Variants in FRAS1 observed in about 807,000 individuals in gnomAD.
The protein encoded by FRAS1 is extracellular matrix organizing protein FRAS1.
A neutral mutation model predicts 435.2 loss-of-function variants in FRAS1; 290 were observed. The observed-to-expected ratio is 0.67, with a 90% CI of 0.61 to 0.73. The LOEUF (loss-of-function observed/expected upper bound fraction) is 0.73, where lower values mean the gene tolerates loss of function less well. Ranked by LOEUF, FRAS1 falls within the 30% of genes least tolerant of loss-of-function variation. FRAS1 has a pLI of 0.00. For missense variants in FRAS1, 4,860 were observed against 5,001.5 expected (o/e 0.97, Z 0.85); for synonymous variants, 1,800 against 1,851.0 (o/e 0.97, Z 0.71).
intron 72 of FRAS1, 91 bp from the exon 73 acceptor site, chr4:78,539,203 A>C (rs560008798): frequency 7.9e-7 from 1 of 1,263,986 alleles, no homozygotes; most frequent in South Asian, 1.4e-5. Flanking sequence ...GCCAGGAGTG[A>C]TGAGTACTTT....
chr4:78,338,812 G>A (rs1044704360), intron 20 of FRAS1, among the ~76,000 whole-genome samples: 2 of 152,200 alleles, frequency 1.3e-5, no homozygotes, highest in Non-Finnish European at 1.5e-5. Flanking sequence ...GTGGGGCGGG[G>A]CACAGCAAGT....
intron 2 of FRAS1, among the ~76,000 whole-genome samples, chr4:78,163,502 C>T (rs1208482767): frequency 1.3e-5 from 2 of 152,020 alleles, no homozygotes; most frequent in African/African-American, 4.8e-5. Context: ...AGTGGAGATC[C>T]ACAACTTAGG....
At chr4:78,086,119 A>T (rs1175124276) in intron 2 of FRAS1, among the ~76,000 whole-genome samples, 3 of 145,248 alleles carry the variant, frequency 2.1e-5, no homozygotes, top group East Asian at 1.9e-4. Flanking sequence ...GGATTAAGAC[A>T]CTCACTCAAA....
At chr4:78,118,667 A>G (rs892638396) in intron 2 of FRAS1, among the ~76,000 whole-genome samples, 1 of 151,922 alleles carries the variant, frequency 6.6e-6, no homozygotes, top group Non-Finnish European at 1.5e-5. Flanking sequence ...GACCGTTGGA[A>G]AAGCACAGTA....
chr4:78,510,218 T>C (rs1487781440), intron 63 of FRAS1, among the ~76,000 whole-genome samples: 2 of 152,230 alleles, frequency 1.3e-5, no homozygotes, highest in Non-Finnish European at 2.9e-5. Flanking sequence ...TGGAGCCAAA[T>C]GTACATTTTT....
chr4:78,077,418 T>G (rs1190497481), intron 2 of FRAS1, among the ~76,000 whole-genome samples: 1 of 152,042 alleles, frequency 6.6e-6, no homozygotes, highest in Non-Finnish European at 1.5e-5. Context: ...TTTTTTGTTT[T>G]GTAGATAAAT....
intron 6 of FRAS1, among the ~76,000 whole-genome samples, chr4:78,258,553 T>G (rs1560608629): frequency 6.6e-6 from 1 of 151,208 alleles, no homozygotes; most frequent in Non-Finnish European, 1.5e-5. Flanking sequence ...AAATCTGAGG[T>G]TTGTCTGCTT....
chr4:78,447,348 C>A (rs927968247), intron 43 of FRAS1, among the ~76,000 whole-genome samples: 1 of 147,154 alleles, frequency 6.8e-6, no homozygotes, highest in African/African-American at 2.5e-5. Flanking sequence ...ACTTTTGGGA[C>A]CTTCTACCTA....
At chr4:78,316,241 T>C (rs1208500785) in intron 16 of FRAS1, among the ~76,000 whole-genome samples, 2 of 152,222 alleles carry the variant, frequency 1.3e-5, no homozygotes, top group Non-Finnish European at 2.9e-5. Flanking sequence ...CTATGAAACA[T>C]ACCCATTTGA....
intron 2 of FRAS1, among the ~76,000 whole-genome samples, chr4:78,116,435 A>G (rs1743182013): frequency 6.6e-6 from 1 of 152,100 alleles, no homozygotes; most frequent in Admixed American, 6.5e-5. Context: ...TGGGGTGTTA[A>G]AGTTTCCCAT....
At chr4:78,128,756 T>C (rs1484449010) in intron 2 of FRAS1, among the ~76,000 whole-genome samples, 2 of 152,242 alleles carry the variant, frequency 1.3e-5, no homozygotes, top group Non-Finnish European at 2.9e-5. Flanking sequence ...TTCTTTAGTT[T>C]AATGAGATCC....
At position 78,482,512 on chromosome 4, in the gene FRAS1, C is replaced by T. The variant is rs1198796742; in HGVS notation, c.8729C>T (p.Ala2910Val). The T allele has an allele frequency of 6.2e-7, 1 of 1,613,586 alleles. No individual in the cohort carries two copies. Among genetic ancestry groups the T allele is most frequent in the East Asian group, 2.2e-5 (1 of 44,890 alleles). Reference sequence around the variant, plus strand: ...ACCAAACCCTTCCAGGCAGTCATTGCAATTAATGACACATTCCAAGATGGT... The same window carrying T: ...ACCAAACCCTTCCAGGCAGTCATTGTAATTAATGACACATTCCAAGATGGT... The part of the protein sequence containing the change: ...ELTKPFQAVI[A>V]INDTFQDVPS... The change falls in exon 58 of 74, where the codon GCA becomes GTA. Residue 2910 changes from alanine to valine, a missense_variant. Ala to Val is a moderately conservative substitution (Grantham distance 64). Transcript: ENST00000512123.
chr4:78,232,287 GA>G (rs1159152357), intron 2 of FRAS1, among the ~76,000 whole-genome samples: 98 of 148,238 alleles, frequency 6.6e-4, no homozygotes, highest in Middle Eastern at 3.4e-3. Context: ...ATACAAGGAA[GA>G]TTTTTTTTTT....
intron 24 of FRAS1, among the ~76,000 whole-genome samples, chr4:78,373,269 G>A (rs1245321525): frequency 6.6e-6 from 1 of 151,870 alleles, no homozygotes; most frequent in African/African-American, 2.4e-5. Flanking sequence ...ACAATCATCT[G>A]TCTCTGGCCT....
chr4:78,060,741 A>C (rs1319856838), intron 1 of FRAS1, among the ~76,000 whole-genome samples: 6 of 152,232 alleles, frequency 3.9e-5, no homozygotes, highest in Non-Finnish European at 7.3e-5. Flanking sequence ...ATTACGTGAT[A>C]GCTCTAAGAT....
chr4:78,130,463 G>T (rs1403263536), intron 2 of FRAS1, among the ~76,000 whole-genome samples: 1 of 152,184 alleles, frequency 6.6e-6, no homozygotes, highest in Non-Finnish European at 1.5e-5. Context: ...ATTGAGTCTA[G>T]TCAGATCAGA....
rs1268144540 is a variant in FRAS1, at chr4:78,197,400, G to T, written c.109-40110G>T. ...GTAAATGACTGGCATACAATAAGAT[G>T]TCACAATTAGTTTTTTTAATCATCA... is the stretch of plus-strand genomic sequence containing the variant. On this transcript the variant is annotated intron_variant, in intron 2 of 73. Transcript: ENST00000512123. Among the ~76,000 whole-genome samples, 3 of 152,188 alleles carry T rather than the reference G, an allele frequency of 2.0e-5. No homozygotes were observed. The East Asian group carries it at 5.8e-4, about 29-fold the overall frequency.
chr4:78,124,322 C>A (rs566908643), intron 2 of FRAS1, among the ~76,000 whole-genome samples: 1 of 152,282 alleles, frequency 6.6e-6, no homozygotes, highest in African/African-American at 2.4e-5. Context: ...AGGGATGAAG[C>A]CAACTTGATC....
chr4:78,354,007 T>TA lies in FRAS1; in HGVS notation c.2423-9496dup, dbSNP rs1458982202. Among the ~76,000 whole-genome samples the TA allele has an allele frequency of 3.3e-3, 9 of 2,714 alleles. 3 individuals are homozygous for TA. The highest frequency in any genetic ancestry group is 6.3e-3 in the Non-Finnish European group (8 of 1,262). 1.8% of individuals were successfully genotyped at this position (2,714 alleles called of 152,430 possible). On this transcript the variant is annotated intron_variant, in intron 20 of 73. Transcript: ENST00000512123. The stretch of plus-strand genomic sequence containing the variant: ...AAAACTTAGAGTATAACAAAAAAAT[T>TA]AAAAAAAAAATAAAATAAAAAAAAA...
Sources: allele counts gnomAD v4.1 joint callset (sites outside exome capture counted in the v4.1 genomes callset), GRCh38; gene constraint gnomAD v4.1.1; transcripts MANE v1.5; gene names NCBI Gene and HGNC (gene_info 2026-07-23, HGNC 2026-07-21).